The following CDYL2 variants were observed in gnomAD, a reference collection of about 807,000 sequenced individuals.
CDYL2 encodes chromodomain Y like 2.
A neutral mutation model predicts 49.4 loss-of-function variants in CDYL2; 23 were observed. The ratio of observed to expected loss-of-function variants is 0.47; its 90% CI spans 0.34 to 0.66. The LOEUF is 0.66. Among genes scored for constraint, CDYL2 ranks in the 30% least tolerant of loss-of-function variants. The pLI is 0.01. For synonymous variants in CDYL2, 360 were observed against 268.8 expected, an observed-to-expected ratio of 1.34 and a Z score of -3.32; for missense variants, 678 against 656.4, an observed-to-expected ratio of 1.03 and a Z score of -0.36.
intron 1 of CDYL2, among the ~76,000 whole-genome samples, chr16:80,768,554 T>C (rs755408693): frequency 1.3e-5 from 2 of 152,226 alleles, no homozygotes; most frequent in Non-Finnish European, 2.9e-5. Context: ...GCTATGTCCT[T>C]GCATGGCACA....
At chr16:80,748,505 TTAAAAAAAAAAAAAAAAAAAAAAAA>T (rs1906014399) in intron 1 of CDYL2, among the ~76,000 whole-genome samples, 1 of 26,946 alleles carries the variant, frequency 3.7e-5, no homozygotes. Context: ...CAAAACTCCA[TTAAAAAAAAAAAAAAAAAAAAAAAA>T]AAAAAAAAAA....
chr16:80,723,999 G>C (rs1008281607), intron 1 of CDYL2, among the ~76,000 whole-genome samples: 4 of 150,288 alleles, frequency 2.7e-5, no homozygotes, highest in African/African-American at 9.8e-5. Flanking sequence ...AGGAGAGAAA[G>C]AGGAAGAAGC....
intron 1 of CDYL2, among the ~76,000 whole-genome samples, chr16:80,758,231 T>C (rs1555535783): frequency 6.6e-6 from 1 of 152,152 alleles, no homozygotes; most frequent in Non-Finnish European, 1.5e-5. Context: ...GAAAAGAACT[T>C]AGCTAAGACA....
intron 1 of CDYL2, among the ~76,000 whole-genome samples, chr16:80,793,633 C>T (rs1217051910): frequency 1.3e-5 from 2 of 152,190 alleles, no homozygotes; most frequent in Non-Finnish European, 1.5e-5. Flanking sequence ...TTGGATAATA[C>T]AGACATGGTC....
chr16:80,766,291 A>C (rs1403015137), intron 1 of CDYL2, among the ~76,000 whole-genome samples: 1 of 152,212 alleles, frequency 6.6e-6, no homozygotes. Flanking sequence ...GACAAAAAAA[A>C]AGAGAAGGTT....
At chr16:80,677,077 C>T (rs919105982) in intron 2 of CDYL2, among the ~76,000 whole-genome samples, 2 of 149,400 alleles carry the variant, frequency 1.3e-5, no homozygotes, top group Non-Finnish European at 2.9e-5. Context: ...CTCAAGTGAT[C>T]CTCCCACCTC....
chr16:80,695,641 T>C (rs1167025360), intron 1 of CDYL2, among the ~76,000 whole-genome samples: 1 of 152,064 alleles, frequency 6.6e-6, no homozygotes, highest in African/African-American at 2.4e-5. Context: ...GTTTAAAAAC[T>C]GTAAAAAGCA....
At chr16:80,606,140 C>T (rs1166405871) in intron 6 of CDYL2, among the ~76,000 whole-genome samples, 2 of 152,244 alleles carry the variant, frequency 1.3e-5, no homozygotes, top group Non-Finnish European at 2.9e-5. Flanking sequence ...GCTGCACCCT[C>T]ACTCCCCTGC....
intron 1 of CDYL2, among the ~76,000 whole-genome samples, chr16:80,707,450 G>C (rs911411236): frequency 1.3e-5 from 2 of 152,154 alleles, no homozygotes; most frequent in African/African-American, 2.4e-5. Flanking sequence ...GACAGAGAGA[G>C]ATGTTGTCTC....
rs1567535683 is a variant in CDYL2, at chr16:80,604,296, T to C, written c.*92A>G. ...ACAACCCTACGTATAAAGAGACACC[T>C]TGACAAACTCCTTGGCCGGGGCAGA... On this transcript the variant is annotated 3_prime_UTR_variant, in exon 7 of 7. Transcript: ENST00000570137. The C allele has an allele frequency of 1.4e-6, 2 of 1,432,444 alleles. No homozygotes were observed. The highest frequency in any genetic ancestry group is 1.2e-5 in the South Asian group (1 of 84,478). The allele number at this position is 1,432,444 out of a possible 1,614,324, so 88.7% of individuals were successfully genotyped here.
intron 2 of CDYL2, among the ~76,000 whole-genome samples, chr16:80,658,810 T>C (rs1401579498): frequency 6.6e-6 from 1 of 152,094 alleles, no homozygotes; most frequent in Non-Finnish European, 1.5e-5. Flanking sequence ...CCTAGAGAAA[T>C]GGCTGCTTCC....
At position 80,726,455 on chromosome 16, in the gene CDYL2, T is replaced by A. The variant is rs1465610838; in HGVS notation, c.25-41326A>T. On this transcript the variant is annotated intron_variant, in intron 1 of 6. Transcript: ENST00000570137. Reference sequence around the variant, plus strand: ...TTCTAATTGCTATGTATTTTAAAACTGAAGTTCTATTTAGAGCAAGTTTTA... The same window carrying A: ...TTCTAATTGCTATGTATTTTAAAACAGAAGTTCTATTTAGAGCAAGTTTTA... 2.6e-5 allele frequency among the ~76,000 whole-genome samples: 4 copies of A among 152,232 alleles called. No homozygotes were observed. In the East Asian group the frequency reaches 7.7e-4, roughly 29 times the overall value.
intron 1 of CDYL2, among the ~76,000 whole-genome samples, chr16:80,754,136 G>T (rs1906229252): frequency 6.6e-6 from 1 of 152,150 alleles, no homozygotes; most frequent in Non-Finnish European, 1.5e-5. Context: ...ATCCTACTTT[G>T]CAACGTGTGC....
At chr16:80,670,137 C>T (rs565829662) in intron 2 of CDYL2, among the ~76,000 whole-genome samples, 5 of 152,290 alleles carry the variant, frequency 3.3e-5, no homozygotes, top group African/African-American at 7.2e-5. Context: ...CTTCTTTTCC[C>T]TCAACAAAAG....
intron 4 of CDYL2, among the ~76,000 whole-genome samples, chr16:80,613,279 T>A (rs1187014937): frequency 6.6e-6 from 1 of 152,178 alleles, no homozygotes; most frequent in Non-Finnish European, 1.5e-5. Context: ...TGTTCTAACA[T>A]CTCTGGCCAA....
intron 4 of CDYL2, among the ~76,000 whole-genome samples, chr16:80,617,972 G>A (rs1305762125): frequency 2.0e-5 from 3 of 152,126 alleles, no homozygotes; most frequent in Non-Finnish European, 1.5e-5. Context: ...GTCCCCTGGG[G>A]GTGTTGCCAA....
At chr16:80,802,977 C>T (rs73583955) in intron 1 of CDYL2, among the ~76,000 whole-genome samples, 1 of 152,022 alleles carries the variant, frequency 6.6e-6, no homozygotes, top group Non-Finnish European at 1.5e-5. Context: ...ATTTATGTTC[C>T]GGGAAGTGCA....
chr16:80,716,773 C>A (rs1440296588), intron 1 of CDYL2, among the ~76,000 whole-genome samples: 1 of 149,962 alleles, frequency 6.7e-6, no homozygotes, highest in Non-Finnish European at 1.5e-5. Context: ...GACTGGATGA[C>A]CAGATGACTG....
Position 80,603,883 on chromosome 16 carries a change from C to A in CDYL2, c.*505G>T, listed in dbSNP as rs547321007. 1 of 154,938 alleles carries A rather than the reference C, an allele frequency of 6.5e-6. No individual in the cohort carries two copies. Among genetic ancestry groups the A allele is most frequent in the South Asian group, 2.0e-4 (1 of 4,938 alleles). 9.6% of individuals were successfully genotyped at this position (154,938 alleles called of 1,614,324 possible). A position where few individuals can be genotyped will look rare whatever the true frequency, so the allele number is the denominator to read the frequency against. On this transcript the variant is annotated 3_prime_UTR_variant, in exon 7 of 7. Transcript: ENST00000570137. ...AAGCCCTAATAGTCACACAGATTTG[C>A]GTCGGAAAGGAGACTGAGGCCAGGT...
Sources: gnomAD v4.1 joint callset for allele counts (sites outside exome capture counted in the v4.1 genomes callset) on GRCh38, gnomAD v4.1.1 for gene constraint, MANE v1.5 for transcripts, NCBI Gene and HGNC (gene_info 2026-07-23, HGNC 2026-07-21) for gene names.